Variants in EEA1 observed in about 807,000 individuals in gnomAD.
EEA1 encodes early endosome antigen 1, 162kD.
In EEA1, 111 loss-of-function variants were observed where a neutral mutation model predicts 209.2. The ratio of observed to expected loss-of-function variants is 0.53; its 90% CI spans 0.45 to 0.62. The LOEUF (loss-of-function observed/expected upper bound fraction) is 0.62, where lower values mean the gene tolerates loss of function less well. Among genes scored for constraint, EEA1 ranks in the 20% least tolerant of loss-of-function variants. The pLI, the probability that EEA1 is intolerant of heterozygous loss-of-function variation, is 0.00. For synonymous variants in EEA1, 536 were observed against 540.6 expected, an observed-to-expected ratio of 0.99 and a Z score of 0.12; for missense variants, 1,343 against 1,530.8, an observed-to-expected ratio of 0.88 and a Z score of 2.05.
chr12:92,825,301 A>G (rs897096733), intron 13 of EEA1, among the ~76,000 whole-genome samples: 3 of 152,058 alleles, frequency 2.0e-5, no homozygotes, highest in Non-Finnish European at 4.4e-5. Flanking sequence ...AACACAAAAA[A>G]TTAGCCGGGC....
At chr12:92,826,668 T>C (rs554755934) in intron 12 of EEA1, among the ~76,000 whole-genome samples, 1 of 149,908 alleles carries the variant, frequency 6.7e-6, no homozygotes, top group African/African-American at 2.5e-5. Context: ...TGAGCCGAGA[T>C]TGCGCCACTG....
rs111935498 is a variant in EEA1 at position 92,877,134 on chromosome 12, CTTTTTTT to C, written c.118-12154_118-12148del. On this transcript the variant is annotated intron_variant, in intron 2 of 28. Coordinates refer to ENST00000322349, the MANE Select transcript of EEA1 (RefSeq NM_003566.4). ...AAATTTTTTTTCTTTTTTCTTTTTT[CTTTTTTT>C]TTTTTTTTTGTATTTTTAGTAGAGA... Among the ~76,000 whole-genome samples, 20 of 129,758 alleles carry C rather than the reference CTTTTTTT, an allele frequency of 1.5e-4. No homozygotes were observed. The South Asian group carries it at 2.9e-3, about 19-fold the overall frequency. The allele number at this position is 129,758 out of a possible 152,430, so 85.1% of individuals were successfully genotyped here.
intron 18 of EEA1, 85 bp downstream of exon 18, chr12:92,808,932 A>G (rs919784156): frequency 1.7e-5 from 21 of 1,247,408 alleles, no homozygotes; most frequent in Non-Finnish European, 2.2e-5. Flanking sequence ...AAGCACTACG[A>G]TAGCAAAATT....
intron 5 of EEA1, among the ~76,000 whole-genome samples, chr12:92,855,914 T>G (rs1354061941): frequency 6.6e-6 from 1 of 152,226 alleles, no homozygotes; most frequent in Non-Finnish European, 1.5e-5. Context: ...TAATGGCATC[T>G]ATATAAAACA....
chr12:92,848,143 A>G (rs1877457838), intron 9 of EEA1, among the ~76,000 whole-genome samples: 1 of 151,954 alleles, frequency 6.6e-6, no homozygotes, highest in African/African-American at 2.4e-5. Flanking sequence ...AAATACTTGA[A>G]AAGATAAATT....
intron 2 of EEA1, among the ~76,000 whole-genome samples, chr12:92,870,684 G>A (rs1407564590): frequency 6.6e-6 from 1 of 151,082 alleles, no homozygotes; most frequent in Non-Finnish European, 1.5e-5. Flanking sequence ...TGGCGGTGGT[G>A]GGGCAGGGAC....
intron 21 of EEA1, among the ~76,000 whole-genome samples, chr12:92,794,323 G>A (rs372999533): frequency 2.6e-5 from 4 of 152,302 alleles, no homozygotes; most frequent in Admixed American, 1.3e-4. Context: ...ACAGTGTGGC[G>A]ATTCCTCAAG....
intron 1 of EEA1, among the ~76,000 whole-genome samples, chr12:92,913,408 G>A (rs565204565): frequency 5.2e-4 from 79 of 152,114 alleles, no homozygotes; most frequent in Non-Finnish European, 7.5e-4. Context: ...TTCTTGTTGC[G>A]TTCCATGTAG....
chr12:92,892,118 T>G (rs1592761710), intron 1 of EEA1, among the ~76,000 whole-genome samples: 1 of 152,102 alleles, frequency 6.6e-6, no homozygotes, highest in South Asian at 2.1e-4. Flanking sequence ...TGAGTTGGGG[T>G]CTTGCTCTGT....
chr12:92,876,042 A>T (rs139546571), intron 2 of EEA1, among the ~76,000 whole-genome samples: 1 of 151,974 alleles, frequency 6.6e-6, no homozygotes, highest in Non-Finnish European at 1.5e-5. Flanking sequence ...TATTTTTTTC[A>T]ATAACACCAA....
intron 17 of EEA1, among the ~76,000 whole-genome samples, chr12:92,809,593 G>A (rs1167604750): frequency 1.3e-5 from 2 of 149,532 alleles, no homozygotes; most frequent in South Asian, 4.2e-4. Context: ...TACTCAAGAC[G>A]CCGAGGCAGG....
At chr12:92,798,741 T>C (rs1038274992) in intron 21 of EEA1, 151 bp downstream of exon 21, 3 of 480,800 alleles carry the variant, frequency 6.2e-6, no homozygotes, top group African/African-American at 4.0e-5. Context: ...TTTGATAATA[T>C]AGTCAAATGC....
intron 11 of EEA1, among the ~76,000 whole-genome samples, chr12:92,828,733 C>T (rs1344730791): frequency 6.6e-6 from 1 of 151,864 alleles, no homozygotes; most frequent in Non-Finnish European, 1.5e-5. Flanking sequence ...CATACCCTAT[C>T]CTAACAGCAA....
chr12:92,852,726 G>A (rs1025050344), intron 7 of EEA1, among the ~76,000 whole-genome samples, 186 bp downstream of exon 7: 1 of 152,056 alleles, frequency 6.6e-6, no homozygotes, highest in African/African-American at 2.4e-5. Context: ...TTTGAAGGCA[G>A]GCAGCTAGAG....
At chr12:92,815,100 TA>T (rs2136677853) in intron 15 of EEA1, among the ~76,000 whole-genome samples, 1 of 152,300 alleles carries the variant, frequency 6.6e-6, no homozygotes, top group African/African-American at 2.4e-5. Context: ...GAAGTTAAAG[TA>T]GTTTTGAAAA....
chr12:92,914,478 A>G (rs995817226), intron 1 of EEA1, among the ~76,000 whole-genome samples: 2 of 151,934 alleles, frequency 1.3e-5, no homozygotes, highest in African/African-American at 4.8e-5. Context: ...TTCCACACGA[A>G]TTTTAGAATT....
intron 7 of EEA1, 87 bp from the exon 8 acceptor site, chr12:92,852,383 ACT>A: frequency 2.4e-6 from 2 of 819,722 alleles, no homozygotes; most frequent in Non-Finnish European, 3.4e-6. Context: ...TCTGTATATC[ACT>A]CTAATTCAAA....
chr12:92,878,107 A>G (rs73209518), intron 2 of EEA1, among the ~76,000 whole-genome samples: 39,467 of 152,000 alleles, frequency 0.26, 5,611 homozygotes, highest in Non-Finnish European at 0.32. Context: ...AGAAACAGAA[A>G]GAAGAAGATA....
chr12:92,862,450 G>A (rs1429464161), intron 3 of EEA1, among the ~76,000 whole-genome samples: 4 of 151,996 alleles, frequency 2.6e-5, no homozygotes, highest in Non-Finnish European at 4.4e-5. Flanking sequence ...GTAAAAATTA[G>A]CCAGGCATGT....
Sources: gnomAD v4.1 joint callset for allele counts (sites outside exome capture counted in the v4.1 genomes callset) on GRCh38, gnomAD v4.1.1 for gene constraint, MANE v1.5 for transcripts, NCBI Gene and HGNC (gene_info 2026-07-23, HGNC 2026-07-21) for gene names.